The following SPRING1 variants were observed in gnomAD, a reference collection of about 807,000 sequenced individuals.
SPRING1 encodes SREBF pathway regulator in golgi 1, also known as SREBP regulating gene protein.
Under a neutral mutation model 24.7 loss-of-function variants are expected in SPRING1, and 14 were observed. The ratio of observed to expected loss-of-function variants is 0.57; its 90% CI spans 0.37 to 0.88. The LOEUF (loss-of-function observed/expected upper bound fraction) is 0.88. Among genes scored for constraint, SPRING1 ranks in the 40% least tolerant of loss-of-function variants. SPRING1 has a pLI of 0.00. For synonymous variants in SPRING1, 93 were observed against 106.1 expected (o/e 0.88, Z 0.76); for missense variants, 255 against 268.4 (o/e 0.95, Z 0.35).
Position 116,717,729 on chromosome 12 carries a change from C to CGAT in SPRING1, c.*78_*80dup, listed in dbSNP as rs199594769. On this transcript the variant is annotated 3_prime_UTR_variant, in exon 5 of 5. Transcript: ENST00000261318. This position sits in a 1 kb window ranked among gnomAD's most constrained non-coding sequence, Gnocchi z 4.2. ...TTTGTCTTCTTCCTGCAGCCTGGCCCGATGGCTGAAGCTGGGTCCCAGGAG... is the reference window on the plus strand; with the variant it reads ...TTTGTCTTCTTCCTGCAGCCTGGCCCGATGATGGCTGAAGCTGGGTCCCAGGAG... 15,488 of 1,267,578 alleles carry CGAT rather than the reference C, an allele frequency of 0.012. 149 individuals carry two copies. Among genetic ancestry groups the CGAT allele is most frequent in the Middle Eastern group, 0.016 (62 of 3,768 alleles). 78.5% of individuals were successfully genotyped at this position (1,267,578 alleles called of 1,614,324 possible). A position where few individuals can be genotyped will look rare whatever the true frequency, so the allele number is the denominator to read the frequency against.
At chr12:116,736,960 C>T (rs759346903) in intron 1 of SPRING1, among the ~76,000 whole-genome samples, 1 of 152,192 alleles carries the variant, frequency 6.6e-6, no homozygotes, top group Non-Finnish European at 1.5e-5. Flanking sequence ...GGCCGACCCT[C>T]GCCACCTATG....
rs1192929784 is a variant in SPRING1, at chr12:116,711,146, T to G, written c.*6664A>C. 2.0e-5 allele frequency: 3 copies of G among 152,142 alleles called. No individual in the cohort carries two copies. The highest frequency in any genetic ancestry group is 6.6e-5 in the Admixed American group (1 of 15,254). 9.4% of individuals were successfully genotyped at this position (152,142 alleles called of 1,614,324 possible). ...ATTCAGGTAGTAACTTACTCAACATTTCTATCTTGACATCCCCCAGTACAA... is the reference window on the plus strand; with the variant it reads ...ATTCAGGTAGTAACTTACTCAACATGTCTATCTTGACATCCCCCAGTACAA... On this transcript the variant is annotated 3_prime_UTR_variant, in exon 5 of 5. Coordinates refer to ENST00000261318, the MANE Select transcript of SPRING1 (RefSeq NM_024738.4).
At chr12:116,722,956 C>A in intron 2 of SPRING1, 111 bp downstream of exon 2, 3 of 1,355,580 alleles carry the variant, frequency 2.2e-6, no homozygotes, top group Non-Finnish European at 1.0e-6. Flanking sequence ...TGGAGATGAG[C>A]GAGGAGAGAA....
chr12:116,724,434 T>TG (rs1178824374), intron 1 of SPRING1, among the ~76,000 whole-genome samples: 1 of 152,162 alleles, frequency 6.6e-6, no homozygotes, highest in African/African-American at 2.4e-5. Flanking sequence ...ACCTGAAACC[T>TG]GCCGGGTGTG....
In SPRING1 at chr12:116,720,013, ACACACGCGTG is replaced by A. The variant is rs1018764498; in HGVS notation, c.421-147_421-138del. The A allele has an allele frequency of 1.6e-5, 13 of 803,220 alleles. No individual in the cohort carries two copies. In the African/African-American group the frequency reaches 1.9e-4, roughly 12 times the overall value. The allele number at this position is 803,220 out of a possible 1,614,324, so 49.8% of individuals were successfully genotyped here. On this transcript the variant is annotated intron_variant, in intron 3 of 4. Transcript: ENST00000261318. The surrounding 1 kb of genome is among the most constrained non-coding windows in gnomAD (Gnocchi z 4.0). ...AGGAGAAAAGGAGGGAGGGGAAAGG[ACACACGCGTG>A]CACACACGTGCATGCCAAAACACCC...
chr12:116,717,034 C>G lies in SPRING1; in HGVS notation c.*776G>C, dbSNP rs1870169791. ...TAGATTTCTGCTAAAACAGTGCTCT[C>G]CATAGGGTATATGAGCACATTCGAC... On this transcript the variant is annotated 3_prime_UTR_variant, in exon 5 of 5. Coordinates refer to ENST00000261318, the MANE Select transcript of SPRING1 (RefSeq NM_024738.4). This position sits in a 1 kb window ranked among gnomAD's most constrained non-coding sequence, Gnocchi z 4.2. 3 of 152,178 alleles carry G rather than the reference C, an allele frequency of 2.0e-5. No individual in the cohort carries two copies. Among genetic ancestry groups the G allele is most frequent in the African/African-American group, 7.2e-5 (3 of 41,438 alleles). 9.4% of individuals were successfully genotyped at this position (152,178 alleles called of 1,614,324 possible). A position where few individuals can be genotyped will look rare whatever the true frequency, so the allele number is the denominator to read the frequency against.
At chr12:116,718,289 A>G (rs1870255649) in intron 4 of SPRING1, among the ~76,000 whole-genome samples, 1 of 152,242 alleles carries the variant, frequency 6.6e-6, no homozygotes, top group Non-Finnish European at 1.5e-5. Context: ...CCCTGCAGAG[A>G]CACTAAGGAG....
At chr12:116,727,638 C>T (rs1314126716) in intron 1 of SPRING1, among the ~76,000 whole-genome samples, 3 of 152,192 alleles carry the variant, frequency 2.0e-5, no homozygotes, top group Non-Finnish European at 4.4e-5. Flanking sequence ...TGGCTAAATG[C>T]AGCCTGATAA....
chr12:116,726,846 G>C (rs1444512406), intron 1 of SPRING1, among the ~76,000 whole-genome samples: 1 of 152,190 alleles, frequency 6.6e-6, no homozygotes, highest in African/African-American at 2.4e-5. Context: ...TCTTCCAAAA[G>C]AAAACAAGAG....
chr12:116,716,086 A>G lies in SPRING1; in HGVS notation c.*1724T>C, dbSNP rs775588127. The G allele has an allele frequency of 6.6e-6, 1 of 152,244 alleles. No individual in the cohort carries two copies. The highest frequency in any genetic ancestry group is 1.5e-5 in the Non-Finnish European group (1 of 68,038). The allele number at this position is 152,244 out of a possible 1,614,324, so 9.4% of individuals were successfully genotyped here. A position where few individuals can be genotyped will look rare whatever the true frequency, so the allele number is the denominator to read the frequency against. ...AACAATAGATGGATGAGACATGCAGACATGCCACAATCCGGCACATCAGAG... is the reference window on the plus strand; with the variant it reads ...AACAATAGATGGATGAGACATGCAGGCATGCCACAATCCGGCACATCAGAG... On this transcript the variant is annotated 3_prime_UTR_variant, in exon 5 of 5. Coordinates refer to ENST00000261318, the MANE Select transcript of SPRING1 (RefSeq NM_024738.4).
rs1283833934 is a variant in SPRING1, at chr12:116,717,581, T to A, written c.*229A>T. 7.2e-6 allele frequency: 3 copies of A among 415,358 alleles called. No homozygotes were observed. In the East Asian group the frequency reaches 1.2e-4, roughly 17 times the overall value. 25.7% of individuals were successfully genotyped at this position (415,358 alleles called of 1,614,324 possible). ...GGCCTCCGGTTTCATCTTTCCCGAA[T>A]GGGACTGGCTGGAGGGGCCAAGCTG... On this transcript the variant is annotated 3_prime_UTR_variant, in exon 5 of 5. Transcript: ENST00000261318. This position sits in a 1 kb window ranked among gnomAD's most constrained non-coding sequence, Gnocchi z 4.2.
intron 1 of SPRING1, among the ~76,000 whole-genome samples, chr12:116,726,561 AGAG>A (rs952764946): frequency 1.8e-4 from 27 of 152,222 alleles, no homozygotes; most frequent in African/African-American, 6.5e-4. Flanking sequence ...TATTGCAAGA[AGAG>A]GAGCTAGGTG....
chr12:116,713,827 C>T lies in SPRING1; in HGVS notation c.*3983G>A, dbSNP rs1869978620. On this transcript the variant is annotated 3_prime_UTR_variant, in exon 5 of 5. Coordinates refer to ENST00000261318, the MANE Select transcript of SPRING1 (RefSeq NM_024738.4). ...AGAGGACAAAGTACTTTCATTTTTG[C>T]CTAGAAAATGGGGGAAGACAAAAAT... 1 of 152,068 alleles carries T rather than the reference C, an allele frequency of 6.6e-6. No individual in the cohort carries two copies. Among genetic ancestry groups the T allele is most frequent in the Admixed American group, 6.5e-5 (1 of 15,280 alleles). The allele number at this position is 152,068 out of a possible 1,614,324, so 9.4% of individuals were successfully genotyped here.
chr12:116,730,891 G>T (rs1301796542), intron 1 of SPRING1, among the ~76,000 whole-genome samples: 1 of 152,178 alleles, frequency 6.6e-6, no homozygotes, highest in Non-Finnish European at 1.5e-5. Flanking sequence ...TTTCTGTAAA[G>T]TAACAAGCTC....
Position 116,737,972 on chromosome 12 carries a change from C to T in SPRING1, c.-72G>A. 8.1e-7 allele frequency: 1 copy of T among 1,233,206 alleles called. No homozygotes were observed. The highest frequency in any genetic ancestry group is 1.0e-6 in the Non-Finnish European group (1 of 981,708). The allele number at this position is 1,233,206 out of a possible 1,614,324, so 76.4% of individuals were successfully genotyped here. ...GGCCCGGGTCCCGGGCGGCATGGCC[C>T]CTACGCGCCCGGCAGCCCCATCCCT... is the stretch of plus-strand genomic sequence containing the variant. On this transcript the variant is annotated 5_prime_UTR_variant, in exon 1 of 5. Transcript: ENST00000261318.
rs1869968870 is a variant in SPRING1, at chr12:116,713,662, G to A, written c.*4148C>T. On this transcript the variant is annotated 3_prime_UTR_variant, in exon 5 of 5. Coordinates refer to ENST00000261318, the MANE Select transcript of SPRING1 (RefSeq NM_024738.4). ...TTTGTAGTAGCAAAAACAACAAGCA[G>A]CCTTGGAAACCAGTTAATGTCCTCA... is the stretch of plus-strand genomic sequence containing the variant. The A allele has an allele frequency of 6.6e-6, 1 of 152,148 alleles. No individual in the cohort carries two copies. Among genetic ancestry groups the A allele is most frequent in the African/African-American group, 2.4e-5 (1 of 41,424 alleles). 9.4% of individuals were successfully genotyped at this position (152,148 alleles called of 1,614,324 possible).
At chr12:116,734,145 AG>A (rs1314669679) in intron 1 of SPRING1, among the ~76,000 whole-genome samples, 1 of 152,144 alleles carries the variant, frequency 6.6e-6, no homozygotes, top group Admixed American at 6.5e-5. Context: ...CCAAACTGCT[AG>A]GATTACAGGC....
At chr12:116,718,692 C>T (rs953801136) in intron 4 of SPRING1, among the ~76,000 whole-genome samples, 1 of 152,176 alleles carries the variant, frequency 6.6e-6, no homozygotes, top group African/African-American at 2.4e-5. Flanking sequence ...GAAATAATTC[C>T]TGGGTTTTAT....
chr12:116,717,816 G>C lies in SPRING1; in HGVS notation c.612C>G (p.Pro204=), dbSNP rs375171430. ...CYGESPPELF[P]A Reference sequence around the variant, plus strand: ...AGCAAGTCCGCTGCACCCGTCAAGCGGGGAAGAGCTCGGGCGGGCTTTCTC... The same window carrying C: ...AGCAAGTCCGCTGCACCCGTCAAGCCGGGAAGAGCTCGGGCGGGCTTTCTC... Residue 204 remains proline (P), a synonymous_variant, in exon 5 of 5, where the codon CCC becomes CCG. Coordinates refer to ENST00000261318, the MANE Select transcript of SPRING1 (RefSeq NM_024738.4). The surrounding 1 kb of genome is among the most constrained non-coding windows in gnomAD (Gnocchi z 4.2). 1.3e-6 allele frequency: 2 copies of C among 1,596,426 alleles called. No homozygotes were observed. The highest frequency in any genetic ancestry group is 8.5e-7 in the Non-Finnish European group (1 of 1,172,796).
Sources: allele counts gnomAD v4.1 joint callset (sites outside exome capture counted in the v4.1 genomes callset), GRCh38; gene constraint gnomAD v4.1.1; non-coding constraint Gnocchi (gnomAD v3.1); transcripts MANE v1.5; gene names NCBI Gene and HGNC (gene_info 2026-07-23, HGNC 2026-07-21).